Variants in SYN3 observed in about 807,000 individuals in gnomAD.
The protein encoded by SYN3 is synapsin III, also known as synapsin-3.
A neutral mutation model predicts 65.8 loss-of-function variants in SYN3; 35 were observed. That is an observed-to-expected ratio of 0.53 (90% CI 0.41 to 0.70). SYN3 has a LOEUF of 0.70. Among genes scored for constraint, SYN3 ranks in the 30% least tolerant of loss-of-function variants. The probability of loss-of-function intolerance (pLI) is 0.00; values close to 1 mark genes in which losing one functional copy is unlikely to be tolerated. For synonymous variants in SYN3, 270 were observed against 292.9 expected (o/e 0.92, Z 0.80); for missense variants, 680 against 749.0 (o/e 0.91, Z 1.08).
At chr22:33,038,905 G>T (rs1263352083) in intron 1 of SYN3, among the ~76,000 whole-genome samples, 1 of 152,206 alleles carries the variant, frequency 6.6e-6, no homozygotes, top group East Asian at 1.9e-4. Context: ...GGGCTGTTCT[G>T]GGGCTTCTGC....
chr22:32,834,740 C>T (rs532514462), intron 6 of SYN3, among the ~76,000 whole-genome samples: 6 of 152,170 alleles, frequency 3.9e-5, no homozygotes, highest in East Asian at 3.8e-4. Context: ...AGGTGCACTC[C>T]GGGTGGCCCA....
chr22:32,992,965 T>C (rs572671163), intron 2 of SYN3, among the ~76,000 whole-genome samples: 3 of 152,348 alleles, frequency 2.0e-5, no homozygotes, highest in South Asian at 4.1e-4. Flanking sequence ...TTTGCATTGA[T>C]GGAAGCAAGC....
chr22:32,909,526 TTA>T (rs1215692154), intron 4 of SYN3, among the ~76,000 whole-genome samples: 1 of 152,122 alleles, frequency 6.6e-6, no homozygotes, highest in Admixed American at 6.5e-5. Flanking sequence ...TAGGCATGTT[TTA>T]TCTTTGCTCT....
At chr22:32,661,133 T>C (rs1191844198) in intron 6 of SYN3, among the ~76,000 whole-genome samples, 10 of 152,248 alleles carry the variant, frequency 6.6e-5, no homozygotes, top group African/African-American at 2.4e-4. Context: ...GATTTTTACA[T>C]CATTTTCTTC....
At chr22:32,584,275 C>T (rs576920949) in intron 7 of SYN3, 1 of 152,322 alleles carries the variant, frequency 6.6e-6, no homozygotes, top group Admixed American at 6.5e-5. Context: ...CATCATGACG[C>T]AATATCCACC....
chr22:32,746,223 C>A (rs2044929271), intron 6 of SYN3, among the ~76,000 whole-genome samples: 1 of 152,172 alleles, frequency 6.6e-6, no homozygotes. Flanking sequence ...GCCTAAGGGG[C>A]AGAAGAAAAG....
At chr22:33,045,107 T>C (rs2054037027) in intron 1 of SYN3, among the ~76,000 whole-genome samples, 1 of 152,160 alleles carries the variant, frequency 6.6e-6, no homozygotes, top group Non-Finnish European at 1.5e-5. Context: ...CCTCCCAAAG[T>C]GCTGGGATTA....
intron 6 of SYN3, among the ~76,000 whole-genome samples, chr22:32,611,574 G>A (rs1601755811): frequency 6.6e-6 from 1 of 152,092 alleles, no homozygotes; most frequent in Non-Finnish European, 1.5e-5. Flanking sequence ...TTACAGGCTT[G>A]AGCCACCGCA....
intron 4 of SYN3, among the ~76,000 whole-genome samples, chr22:32,880,044 A>G (rs2049086156): frequency 6.6e-6 from 1 of 152,198 alleles, no homozygotes; most frequent in Non-Finnish European, 1.5e-5. Flanking sequence ...ATTGTCTCCC[A>G]TGCCAGAACT....
intron 7 of SYN3, among the ~76,000 whole-genome samples, chr22:32,542,852 G>C (rs1176878268): frequency 6.6e-6 from 1 of 152,040 alleles, no homozygotes; most frequent in Non-Finnish European, 1.5e-5. Context: ...AGACAGAACA[G>C]AGGCTGACTC....
intron 6 of SYN3, among the ~76,000 whole-genome samples, chr22:32,843,064 G>A (rs2047958617): frequency 6.6e-6 from 1 of 152,052 alleles, no homozygotes; most frequent in African/African-American, 2.4e-5. Context: ...GTGGTCTGCT[G>A]TCCTGGGGGA....
chr22:32,550,364 T>TAA lies in SYN3; in HGVS notation c.775-8653_775-8652dup, dbSNP rs34370251. Among the ~76,000 whole-genome samples, 34 of 144,586 alleles carry TAA rather than the reference T, an allele frequency of 2.4e-4. No homozygotes were observed. In the East Asian group the frequency reaches 5.0e-3, roughly 21 times the overall value. The allele number at this position is 144,586 out of a possible 152,430, so 94.9% of individuals were successfully genotyped here. A position where few individuals can be genotyped will look rare whatever the true frequency, so the allele number is the denominator to read the frequency against. The stretch of plus-strand genomic sequence containing the variant: ...TGTTCTATAATTTGTTTAACCACAT[T>TAA]AAAAAAAAAAAAAAAGCTCAACACA... On this transcript the variant is annotated intron_variant, in intron 7 of 13. Transcript: ENST00000358763.
chr22:32,770,950 T>C (rs1238214181), intron 6 of SYN3, among the ~76,000 whole-genome samples: 1 of 151,668 alleles, frequency 6.6e-6, no homozygotes, highest in Non-Finnish European at 1.5e-5. Flanking sequence ...TGCAGGTTCG[T>C]TACAGAGGTA....
intron 6 of SYN3, among the ~76,000 whole-genome samples, chr22:32,599,694 T>C (rs1407165676): frequency 2.0e-5 from 3 of 152,138 alleles, no homozygotes; most frequent in Admixed American, 6.5e-5. Flanking sequence ...ATCATATGCA[T>C]ATCTGGGGTG....
chr22:33,004,813 G>T (rs2053155117), intron 2 of SYN3, among the ~76,000 whole-genome samples: 1 of 152,152 alleles, frequency 6.6e-6, no homozygotes, highest in Non-Finnish European at 1.5e-5. Flanking sequence ...ATTGTGTTTT[G>T]AAATGTGAGA....
chr22:32,541,340 A>C (rs1019131267), intron 8 of SYN3, among the ~76,000 whole-genome samples: 7 of 152,190 alleles, frequency 4.6e-5, no homozygotes, highest in Admixed American at 4.6e-4. Context: ...CATGCCAAGC[A>C]CCTTTCTTGC....
intron 2 of SYN3, among the ~76,000 whole-genome samples, chr22:32,986,989 G>A (rs2052547102): frequency 1.3e-5 from 2 of 152,134 alleles, no homozygotes; most frequent in South Asian, 2.1e-4. Context: ...GAATGGGTAT[G>A]GGGCTCTTTT....
At chr22:33,006,255 C>T in intron 2 of SYN3, 97 bp downstream of exon 2, 1 of 1,387,012 alleles carries the variant, frequency 7.2e-7, no homozygotes, top group Non-Finnish European at 9.8e-7. Flanking sequence ...GCACCCAAGC[C>T]TCTCATAGCT....
rs1460902387 is a variant in SYN3, at chr22:32,508,768, G to T, written c.*4924C>A. 1.3e-5 allele frequency among the ~76,000 whole-genome samples: 2 copies of T among 152,098 alleles called. No homozygotes were observed. Among genetic ancestry groups the T allele is most frequent in the Non-Finnish European group, 2.9e-5 (2 of 68,030 alleles). ...TTTTATTTCATAGTTTTCTAGGAGG[G>T]CTGAGCTAAAACATGTCCTGAACAC... is the stretch of plus-strand genomic sequence containing the variant. On this transcript the variant is annotated 3_prime_UTR_variant, in exon 14 of 14. Transcript: ENST00000358763.
Sources: gnomAD v4.1 joint callset for allele counts (sites outside exome capture counted in the v4.1 genomes callset) on GRCh38, gnomAD v4.1.1 for gene constraint, MANE v1.5 for transcripts, NCBI Gene and HGNC (gene_info 2026-07-23, HGNC 2026-07-21) for gene names.